The following ATAD2B variants were observed in gnomAD, a reference collection of about 807,000 sequenced individuals.
ATAD2B encodes ATPase family AAA domain containing 2B, also known as ATPase family AAA domain-containing protein 2B.
In ATAD2B, 40 loss-of-function variants were observed where a neutral mutation model predicts 167.6. The ratio of observed to expected loss-of-function variants is 0.24; its 90% confidence interval spans 0.19 to 0.31. ATAD2B has a LOEUF of 0.31. Ranked by LOEUF, ATAD2B falls within the 10% of genes least tolerant of loss-of-function variation. ATAD2B has a pLI of 1.00. For missense variants in ATAD2B, 1,242 were observed against 1,757.2 expected (o/e 0.71, Z 5.24); for synonymous variants, 579 against 596.5 (o/e 0.97, Z 0.43).
the ATAD2B span, chr2:23,706,529 C>T: frequency 1.3e-6 from 2 of 1,536,078 alleles, no homozygotes; most frequent in East Asian, 2.4e-5. Flanking sequence ...GTATTGTCAG[C>T]AGTGAAGGGC....
chr2:23,847,483 C>T (rs146975215), intron 13 of ATAD2B, among the ~76,000 whole-genome samples: 17 of 150,984 alleles, frequency 1.1e-4, no homozygotes, highest in African/African-American at 2.9e-4. Flanking sequence ...CCAGCCTGGG[C>T]GACAGAGTAA....
intron 1 of ATAD2B, among the ~76,000 whole-genome samples, chr2:23,898,590 C>G (rs953458485): frequency 1.7e-4 from 26 of 152,210 alleles, no homozygotes; most frequent in Non-Finnish European, 3.1e-4. Context: ...CCTCTTGAGA[C>G]TGTGTCTTGG....
At chr2:23,790,584 A>G (rs1681527514) in intron 19 of ATAD2B, among the ~76,000 whole-genome samples, 1 of 152,208 alleles carries the variant, frequency 6.6e-6, no homozygotes, top group Non-Finnish European at 1.5e-5. Flanking sequence ...TATAAGTGGG[A>G]TAAATTATAC....
intron 19 of ATAD2B, among the ~76,000 whole-genome samples, chr2:23,793,693 T>C (rs1682161526): frequency 6.6e-6 from 1 of 152,204 alleles, no homozygotes; most frequent in Admixed American, 6.5e-5. Flanking sequence ...TTAGTTCCTT[T>C]TTTCATGCAG....
intron 1 of ATAD2B, among the ~76,000 whole-genome samples, chr2:23,905,149 T>A (rs1701323934): frequency 6.6e-6 from 1 of 152,144 alleles, no homozygotes; most frequent in African/African-American, 2.4e-5. Flanking sequence ...CACATAAAAA[T>A]TTCTAAAAGG....
At chr2:23,916,176 T>TA (rs1703017463) in intron 1 of ATAD2B, among the ~76,000 whole-genome samples, 2 of 152,220 alleles carry the variant, frequency 1.3e-5, no homozygotes, top group Admixed American at 1.3e-4. Context: ...CACACAGTTG[T>TA]AAAATAGGGA....
rs571106284 is a variant in ATAD2B, at chr2:23,769,417, G to T, written c.3134-3789C>A. ...ACAGCGCCACTGCACTCCAGCCTGGGTGACAGAGGAAGACAGCGTCTCTTT... is the reference window on the plus strand; with the variant it reads ...ACAGCGCCACTGCACTCCAGCCTGGTTGACAGAGGAAGACAGCGTCTCTTT... On this transcript the variant is annotated intron_variant, in intron 22 of 27. Transcript: ENST00000238789. 1.5e-4 allele frequency among the ~76,000 whole-genome samples: 23 copies of T among 152,194 alleles called. 1 individual carries two copies. The South Asian group carries it at 4.4e-3, about 29-fold the overall frequency.
At chr2:23,754,106 C>A (rs1675675451) in intron 27 of ATAD2B, 73 bp downstream of exon 27, 1 of 1,306,506 alleles carries the variant, frequency 7.7e-7, no homozygotes, top group South Asian at 1.7e-5. Context: ...GGCAAAATAA[C>A]TTTTTTTCCT....
chr2:23,693,231 G>A, the ATAD2B span: 2,816 of 1,519,370 alleles, frequency 1.9e-3, 4 homozygotes, highest in Non-Finnish European at 2.3e-3. Context: ...ACTGCTTCCC[G>A]GGCCTTTGGG....
the ATAD2B span, among the ~76,000 whole-genome samples, chr2:23,701,793 CTTTTTT>C: frequency 5.7e-3 from 128 of 22,524 alleles, no homozygotes; most frequent in African/African-American, 0.014. Context: ...CTTTTTTTTG[CTTTTTT>C]TTTTTTTTTT....
chr2:23,745,739 C>T (rs916297148), downstream of ATAD2B, among the ~76,000 whole-genome samples: 1 of 152,216 alleles, frequency 6.6e-6, no homozygotes, highest in Non-Finnish European at 1.5e-5. Context: ...TTGTCTGCTG[C>T]TACTAATACT....
chr2:23,834,085 A>T lies in ATAD2B; in HGVS notation c.1569-7T>A. 6.4e-7 allele frequency: 1 copy of T among 1,555,502 alleles called. No homozygotes were observed. Among genetic ancestry groups the T allele is most frequent in the Non-Finnish European group, 8.7e-7 (1 of 1,155,126 alleles). Reference sequence around the variant, plus strand: ...GAGGGTTGATACTATAGAGCTGTAAAATAATTTTCAGGCAAAATTAAAAGA... The same window carrying T: ...GAGGGTTGATACTATAGAGCTGTAATATAATTTTCAGGCAAAATTAAAAGA... On this transcript the variant is annotated splice_polypyrimidine_tract_variant and splice_region_variant and intron_variant, in intron 13 of 27. Coordinates refer to ENST00000238789, the MANE Select transcript of ATAD2B (RefSeq NM_017552.4).
chr2:23,683,136 G>T, the ATAD2B span, among the ~76,000 whole-genome samples: 1 of 152,252 alleles, frequency 6.6e-6, no homozygotes, highest in African/African-American at 2.4e-5. Context: ...AAGCAGGGCT[G>T]GGGCCAGGAA....
intron 13 of ATAD2B, chr2:23,856,504 T>C: frequency 2.7e-6 from 1 of 373,252 alleles, no homozygotes; most frequent in Non-Finnish European, 5.4e-6. Flanking sequence ...AATAGTAGTA[T>C]ACACACACAC....
chr2:23,703,524 C>T, the ATAD2B span: 5 of 1,074,036 alleles, frequency 4.7e-6, no homozygotes, highest in Non-Finnish European at 6.5e-6. Flanking sequence ...TGCCGAGCCC[C>T]CAGCTCAGGT....
At chr2:23,685,965 T>C in the ATAD2B span, among the ~76,000 whole-genome samples, 1 of 152,116 alleles carries the variant, frequency 6.6e-6, no homozygotes, top group Non-Finnish European at 1.5e-5. Flanking sequence ...AGCTAGAACG[T>C]GGTGGGTGAG....
intron 1 of ATAD2B, among the ~76,000 whole-genome samples, chr2:23,908,790 T>C (rs375080839): frequency 2.0e-5 from 3 of 151,736 alleles, no homozygotes; most frequent in African/African-American, 7.3e-5. Flanking sequence ...ATATACACCA[T>C]GGAATACTAT....
chr2:23,737,619 G>C, the ATAD2B span, among the ~76,000 whole-genome samples: 2 of 152,136 alleles, frequency 1.3e-5, no homozygotes, highest in African/African-American at 2.4e-5. Flanking sequence ...AGGAAAACTG[G>C]AAACTCTAAA....
intron 16 of ATAD2B, among the ~76,000 whole-genome samples, 185 bp from the exon 17 acceptor site, chr2:23,820,067 T>G (rs1163548220): frequency 1.3e-5 from 2 of 152,266 alleles, no homozygotes; most frequent in East Asian, 3.9e-4. Flanking sequence ...ATATAACACT[T>G]TCACCTTTAC....
Sources: allele counts gnomAD v4.1 joint callset (sites outside exome capture counted in the v4.1 genomes callset), GRCh38; gene constraint gnomAD v4.1.1; transcripts MANE v1.5; gene names NCBI Gene and HGNC (gene_info 2026-07-23, HGNC 2026-07-21).